Variants in SLC60A1 observed in about 807,000 individuals in gnomAD.
SLC60A1 encodes the protein major facilitator superfamily domain containing 4.
the SLC60A1 span, chr1:205,597,794 G>A: frequency 6.2e-7 from 1 of 1,614,082 alleles, no homozygotes; most frequent in South Asian, 1.1e-5. Context: ...TGCAACCACA[G>A]TGCTGGTGAC....
At chr1:205,571,740 G>A in the SLC60A1 span, among the ~76,000 whole-genome samples, 1 of 152,148 alleles carries the variant, frequency 6.6e-6, no homozygotes, top group East Asian at 1.9e-4. Context: ...CTGCAACAAA[G>A]CTTTAAAGCT....
At chr1:205,569,441 C>T in the SLC60A1 span, 2 of 411,628 alleles carry the variant, frequency 4.9e-6, no homozygotes, top group South Asian at 2.3e-4. Flanking sequence ...CGGCCGCGAC[C>T]ACCCCTCCCA....
chr1:205,582,168 G>A, the SLC60A1 span, among the ~76,000 whole-genome samples: 1 of 152,166 alleles, frequency 6.6e-6, no homozygotes, highest in Non-Finnish European at 1.5e-5. Context: ...GTTCCTTCCA[G>A]GAGAGACCTG....
At chr1:205,596,544 C>CAAAAAAAAAAAAAA in the SLC60A1 span, among the ~76,000 whole-genome samples, 14 of 49,108 alleles carry the variant, frequency 2.9e-4, 1 homozygote, top group South Asian at 1.1e-3. Context: ...GACTCTGTCT[C>CAAAAAAAAAAAAAA]AAAAAAAAAA....
At chr1:205,594,321 A>G in the SLC60A1 span, among the ~76,000 whole-genome samples, 1 of 152,176 alleles carries the variant, frequency 6.6e-6, no homozygotes, top group South Asian at 2.1e-4. Flanking sequence ...ACACAGTACA[A>G]CTCGAGAGTT....
At chr1:205,599,274 C>T in the SLC60A1 span, 1 of 1,612,814 alleles carries the variant, frequency 6.2e-7, no homozygotes, top group Non-Finnish European at 8.5e-7. Context: ...TCTGTTTCTA[C>T]ACAAGAGGAG....
chr1:205,599,782 C>G, the SLC60A1 span: 2 of 155,040 alleles, frequency 1.3e-5, no homozygotes, highest in African/African-American at 4.8e-5. Context: ...AGACCCCAGG[C>G]AGGGGGAGTC....
the SLC60A1 span, among the ~76,000 whole-genome samples, chr1:205,569,661 G>T: frequency 6.6e-6 from 1 of 152,044 alleles, no homozygotes; most frequent in East Asian, 1.9e-4. Flanking sequence ...GGTGGGGAGG[G>T]TGCCCCTCTT....
the SLC60A1 span, chr1:205,584,174 T>C: frequency 6.4e-7 from 1 of 1,551,736 alleles, no homozygotes; most frequent in Non-Finnish European, 8.7e-7. Flanking sequence ...TGAGGCTTCC[T>C]TGGTAACCCC....
At chr1:205,599,576 C>T in the SLC60A1 span, among the ~76,000 whole-genome samples, 2 of 152,200 alleles carry the variant, frequency 1.3e-5, no homozygotes, top group African/African-American at 4.8e-5. Flanking sequence ...TCTTTCCAGC[C>T]TGTTCAGGGA....
the SLC60A1 span, among the ~76,000 whole-genome samples, chr1:205,587,961 A>T: frequency 6.6e-6 from 1 of 152,174 alleles, no homozygotes; most frequent in East Asian, 1.9e-4. Flanking sequence ...TTGCCCATAG[A>T]CACTCACCTG....
chr1:205,592,254 C>T, the SLC60A1 span: 3 of 1,614,156 alleles, frequency 1.9e-6, no homozygotes, highest in South Asian at 2.2e-5. Context: ...CCCCAGCATG[C>T]TGGCCTACAC....
At chr1:205,580,623 A>ACCCCCCCCCCCC in the SLC60A1 span, 2 of 1,570,444 alleles carry the variant, frequency 1.3e-6, no homozygotes, top group South Asian at 1.1e-5. This position sits in a 1 kb window ranked among gnomAD's most constrained non-coding sequence, Gnocchi z 5.0. Context: ...CTGAAGACTG[A>ACCCCCCCCCCCC]CCCCCACCCC....
chr1:205,584,218 A>ATTTAT, the SLC60A1 span: 31 of 794,054 alleles, frequency 3.9e-5, no homozygotes, highest in African/African-American at 6.1e-4. Flanking sequence ...ATCACAGGTG[A>ATTTAT]TTTTTTTTTT....
the SLC60A1 span, chr1:205,586,091 C>A: frequency 1.1e-5 from 18 of 1,613,488 alleles, no homozygotes; most frequent in Non-Finnish European, 1.5e-5. Context: ...GTCTGTGGGA[C>A]ACAAGGTGGC....
the SLC60A1 span, chr1:205,569,275 C>A: frequency 1.3e-6 from 2 of 1,548,166 alleles, no homozygotes; most frequent in South Asian, 2.4e-5. Flanking sequence ...CTGGGCAGCG[C>A]CCTCGGGGGC....
chr1:205,597,751 T>A, the SLC60A1 span: 3 of 1,612,958 alleles, frequency 1.9e-6, no homozygotes, highest in Non-Finnish European at 2.5e-6. Flanking sequence ...AACTTGCTTT[T>A]ACCAAACCAA....
At chr1:205,601,970 A>G in the SLC60A1 span, 1 of 152,198 alleles carries the variant, frequency 6.6e-6, no homozygotes, top group Non-Finnish European at 1.5e-5. Context: ...CCTACTGAAC[A>G]ATTCAAGCTG....
At chr1:205,591,987 G>C in the SLC60A1 span, 2 of 1,039,446 alleles carry the variant, frequency 1.9e-6, no homozygotes, top group Non-Finnish European at 1.4e-6. Context: ...TGCGGTTCCC[G>C]CCTGGTCCAC....
Sources: allele counts gnomAD v4.1 joint callset (sites outside exome capture counted in the v4.1 genomes callset), GRCh38; gene constraint gnomAD v4.1.1; non-coding constraint Gnocchi (gnomAD v3.1); transcripts MANE v1.5; gene names NCBI Gene and HGNC (gene_info 2026-07-23, HGNC 2026-07-21).